The following TMEM43 variants were observed in gnomAD, a reference collection of about 807,000 sequenced individuals.
TMEM43 encodes transmembrane protein 43.
Under a neutral mutation model 49.6 loss-of-function variants are expected in TMEM43, and 45 were observed. The observed-to-expected ratio is 0.91, with a 90% CI of 0.71 to 1.16. The LOEUF is 1.16. Among genes scored for constraint, TMEM43 ranks in the 50% most tolerant of loss-of-function variants. The pLI, the probability that TMEM43 is intolerant of heterozygous loss-of-function variation, is 0.00. For synonymous variants in TMEM43, 199 were observed against 207.8 expected (o/e 0.96, Z 0.36); for missense variants, 532 against 516.6 (o/e 1.03, Z -0.29).
At chr3:14,133,367 G>A (rs982570638) in intron 6 of TMEM43, among the ~76,000 whole-genome samples, 3 of 152,206 alleles carry the variant, frequency 2.0e-5, no homozygotes, top group African/African-American at 7.2e-5. Flanking sequence ...TAGAGAGCAG[G>A]CCTTGTTCAG....
chr3:14,137,324 AGT>A (rs1695182015), intron 10 of TMEM43: 1 of 136,710 alleles, frequency 7.3e-6, no homozygotes. Context: ...TAGGAGGCCC[AGT>A]CCAGGCCTTG....
Position 14,132,733 on chromosome 3 carries a change from C to T in TMEM43, c.443-133C>T, listed in dbSNP as rs551211598. On this transcript the variant is annotated intron_variant, in intron 5 of 11. Transcript: ENST00000306077. ...ATCCCTGGGTGCAAGTCTTCAGAGC[C>T]CTGCTTTCCCACCCATCCATTGAGG... The T allele has an allele frequency of 8.8e-6, 12 of 1,364,396 alleles. No individual in the cohort carries two copies. In the African/African-American group the frequency reaches 1.6e-4, roughly 18 times the overall value. 84.5% of individuals were successfully genotyped at this position (1,364,396 alleles called of 1,614,324 possible). A position where few individuals can be genotyped will look rare whatever the true frequency, so the allele number is the denominator to read the frequency against.
chr3:14,125,764 G>A (rs748524832), intron 1 of TMEM43, among the ~76,000 whole-genome samples: 3 of 152,132 alleles, frequency 2.0e-5, no homozygotes, highest in Non-Finnish European at 4.4e-5. Context: ...TGGGGGAGAG[G>A]GAGCATTTCT....
rs1390410959 is a variant in TMEM43 at position 14,139,785 on chromosome 3, C to A, written c.1000+488C>A. ...TCATGCTTCCTTCCTCACTCCAAAACCTGGGCTAGATTTGGGCAGCCAGCA... is the reference window on the plus strand; with the variant it reads ...TCATGCTTCCTTCCTCACTCCAAAAACTGGGCTAGATTTGGGCAGCCAGCA... On this transcript the variant is annotated intron_variant, in intron 11 of 11. Coordinates refer to ENST00000306077, the MANE Select transcript of TMEM43 (RefSeq NM_024334.3). 2.6e-5 allele frequency among the ~76,000 whole-genome samples: 4 copies of A among 152,200 alleles called. No individual in the cohort carries two copies. The South Asian group carries it at 6.2e-4, about 24-fold the overall frequency.
At chr3:14,133,500 G>A (rs1164689656) in intron 6 of TMEM43, among the ~76,000 whole-genome samples, 1 of 152,176 alleles carries the variant, frequency 6.6e-6, no homozygotes, top group Non-Finnish European at 1.5e-5. Flanking sequence ...CAGGCTGGCA[G>A]GGGTCTAGGC....
chr3:14,134,750 A>C lies in TMEM43; in HGVS notation c.584-20A>C. The C allele has an allele frequency of 6.2e-7, 1 of 1,614,006 alleles. No homozygotes were observed. Among genetic ancestry groups the C allele is most frequent in the African/African-American group, 1.3e-5 (1 of 75,020 alleles). On this transcript the variant is annotated intron_variant, in intron 7 of 11. Coordinates refer to ENST00000306077, the MANE Select transcript of TMEM43 (RefSeq NM_024334.3). ...TTTTCACCTGGTCCCCTGGGTTTCT[A>C]ACCACTCTGGTCCCCTCAGGCCTCA...
In TMEM43 at chr3:14,139,167, C is replaced by A. The variant is rs752605878; in HGVS notation, c.883-13C>A. 3.7e-6 allele frequency: 6 copies of A among 1,603,518 alleles called. No homozygotes were observed. The Admixed American group carries it at 1.0e-4, about 27-fold the overall frequency. On this transcript the variant is annotated splice_polypyrimidine_tract_variant and intron_variant, in intron 10 of 11. Transcript: ENST00000306077. ...CCCTCAGCATCCTGACCTGCCCCCACCTTGTCCTGCAGGAGGTGTTTCATA... is the reference window on the plus strand; with the variant it reads ...CCCTCAGCATCCTGACCTGCCCCCAACTTGTCCTGCAGGAGGTGTTTCATA...
At chr3:14,132,442 G>A in intron 4 of TMEM43, 104 bp from the exon 5 acceptor site, 1 of 1,205,288 alleles carries the variant, frequency 8.3e-7, no homozygotes, top group Non-Finnish European at 1.2e-6. Context: ...TATCTGGGGA[G>A]TCTGATCTGG....
At chr3:14,127,384 G>A (rs1481303901) in intron 1 of TMEM43, among the ~76,000 whole-genome samples, 2 of 152,128 alleles carry the variant, frequency 1.3e-5, no homozygotes, top group Non-Finnish European at 2.9e-5. Flanking sequence ...GCTGAGGGGA[G>A]GCCCAAGAGG....
rs1236997801 is a variant in TMEM43 at position 14,142,815 on chromosome 3, A to C, written c.*1020A>C. On this transcript the variant is annotated 3_prime_UTR_variant, in exon 12 of 12. Transcript: ENST00000306077. ...TTGCTTTCATCCTCTGGCATCGGAA[A>C]CTCCCCTATGCACTTGAAGATGGTT... The C allele has an allele frequency of 6.6e-6, 1 of 152,596 alleles. No individual in the cohort carries two copies. 9.5% of individuals were successfully genotyped at this position (152,596 alleles called of 1,614,324 possible). A position where few individuals can be genotyped will look rare whatever the true frequency, so the allele number is the denominator to read the frequency against.
intron 10 of TMEM43, chr3:14,136,113 T>A: frequency 1.5e-6 from 1 of 669,182 alleles, no homozygotes; most frequent in South Asian, 1.6e-5. Flanking sequence ...TGCAGGTATT[T>A]GTATATACAT....
At chr3:14,129,966 G>T (rs1695070819) in intron 2 of TMEM43, among the ~76,000 whole-genome samples, 1 of 152,088 alleles carries the variant, frequency 6.6e-6, no homozygotes, top group African/African-American at 2.4e-5. Context: ...CCAGGGAAGA[G>T]AAAAACCATC....
rs1338842986 is a variant in TMEM43 at position 14,125,136 on chromosome 3, C to T, written c.-58C>T. 1.2e-6 allele frequency: 2 copies of T among 1,604,192 alleles called. No individual in the cohort carries two copies. On this transcript the variant is annotated 5_prime_UTR_variant, in exon 1 of 12. Transcript: ENST00000306077. ...AGGCCGCTGGACACCACGCTCCAGT[C>T]GTCAGCCCACTTCCTAGCTGAACAG...
At position 14,130,967 on chromosome 3, in the gene TMEM43, C is replaced by T; in HGVS notation, c.297+11C>T. 1 of 1,606,410 alleles carries T rather than the reference C, an allele frequency of 6.2e-7. No homozygotes were observed. Among genetic ancestry groups the T allele is most frequent in the Non-Finnish European group, 8.5e-7 (1 of 1,174,566 alleles). On this transcript the variant is annotated intron_variant, in intron 3 of 11. Transcript: ENST00000306077. ...TTACGGACATCCAAGGTAGGTTTGG[C>T]AGGGGATGCTGACCTGCCAGTGGCT...
chr3:14,139,357 T>C, intron 11 of TMEM43, 60 bp downstream of exon 11: 3 of 1,203,076 alleles, frequency 2.5e-6, no homozygotes, highest in East Asian at 4.6e-5. Context: ...CTCCTCTGCC[T>C]GTCGCATCAT....
intron 10 of TMEM43, chr3:14,138,101 G>A (rs1029910237): frequency 6.6e-6 from 1 of 152,214 alleles, no homozygotes; most frequent in Non-Finnish European, 1.5e-5. Context: ...GAGAGGGCCC[G>A]ATTCAGATCA....
chr3:14,134,669 G>A lies in TMEM43; in HGVS notation c.584-101G>A. On this transcript the variant is annotated intron_variant, in intron 7 of 11. Coordinates refer to ENST00000306077, the MANE Select transcript of TMEM43 (RefSeq NM_024334.3). The stretch of plus-strand genomic sequence containing the variant: ...CACTGCAGGTGGGAGTGCCACGTGT[G>A]CAGGCTCCAGGGGTGCAGTGGAAGG... 2.0e-6 allele frequency: 3 copies of A among 1,524,266 alleles called. No homozygotes were observed. In the South Asian group the frequency reaches 3.4e-5, roughly 17 times the overall value. The allele number at this position is 1,524,266 out of a possible 1,614,324, so 94.4% of individuals were successfully genotyped here.
intron 9 of TMEM43, 72 bp downstream of exon 9, chr3:14,135,304 A>G (rs912918674): frequency 6.8e-6 from 9 of 1,324,068 alleles, no homozygotes; most frequent in Non-Finnish European, 9.6e-6. Context: ...CACCTTGGTC[A>G]ATGTCAGGAG....
intron 2 of TMEM43, 95 bp downstream of exon 2, chr3:14,129,656 G>A: frequency 7.2e-7 from 1 of 1,381,270 alleles, no homozygotes; most frequent in South Asian, 1.2e-5. Flanking sequence ...GGTAATCAAG[G>A]GCCTAGATTT....
Sources: gnomAD v4.1 joint callset for allele counts (sites outside exome capture counted in the v4.1 genomes callset) on GRCh38, gnomAD v4.1.1 for gene constraint, MANE v1.5 for transcripts, NCBI Gene and HGNC (gene_info 2026-07-23, HGNC 2026-07-21) for gene names.